Variants in TRHDE observed in about 807,000 individuals in gnomAD.
The protein encoded by TRHDE is thyrotropin-releasing hormone-degrading ectoenzyme.
Under a neutral mutation model 125.7 loss-of-function variants are expected in TRHDE, and 72 were observed. The ratio of observed to expected loss-of-function variants is 0.57; its 90% confidence interval spans 0.47 to 0.70. TRHDE has a LOEUF of 0.70. Among genes scored for constraint, TRHDE ranks in the 30% least tolerant of loss-of-function variants. TRHDE has a pLI of 0.00. For synonymous variants in TRHDE, 509 were observed against 509.1 expected (o/e 1.00, Z 0.00); for missense variants, 1,110 against 1,327.1 (o/e 0.84, Z 2.54).
intron 12 of TRHDE, among the ~76,000 whole-genome samples, chr12:72,584,561 A>C (rs534085592): frequency 2.0e-5 from 3 of 152,286 alleles, no homozygotes; most frequent in African/African-American, 7.2e-5. Flanking sequence ...TTTTTCCTCC[A>C]ACAACCCTAG....
chr12:72,545,632 T>C (rs11179243), intron 7 of TRHDE, among the ~76,000 whole-genome samples: 19,893 of 151,532 alleles, frequency 0.13, 1,402 homozygotes, highest in Middle Eastern at 0.24. Context: ...TATATGACTA[T>C]CAATACATAT....
intron 15 of TRHDE, among the ~76,000 whole-genome samples, chr12:72,645,877 A>T (rs1036162211): frequency 6.6e-6 from 1 of 152,106 alleles, no homozygotes; most frequent in Non-Finnish European, 1.5e-5. Context: ...CAATAATGTC[A>T]TTTACAAATA....
Position 72,272,899 on chromosome 12 carries a change from G to T in TRHDE, c.256G>T (p.Val86Leu), listed in dbSNP as rs750214487. 1.3e-6 allele frequency: 2 copies of T among 1,578,774 alleles called. No homozygotes were observed. The highest frequency in any genetic ancestry group is 1.7e-6 in the Non-Finnish European group (2 of 1,170,558). ...ERHIAVHKRL[V>L]LAFAVSLVAL... Reference sequence around the variant, plus strand: ...CCACATCGCCGTACACAAGCGGCTTGTGCTGGCCTTCGCTGTGTCCCTCGT... The same window carrying T: ...CCACATCGCCGTACACAAGCGGCTTTTGCTGGCCTTCGCTGTGTCCCTCGT... Residue 86 changes from valine (V) to leucine (L), a missense_variant, in exon 1 of 19, where the codon GTG becomes TTG. Coordinates refer to ENST00000261180, the MANE Select transcript of TRHDE (RefSeq NM_013381.3). This position sits in a 1 kb window ranked among gnomAD's most constrained non-coding sequence, Gnocchi z 6.7.
At chr12:72,556,420 G>T (rs1172341407) in intron 7 of TRHDE, among the ~76,000 whole-genome samples, 1 of 152,208 alleles carries the variant, frequency 6.6e-6, no homozygotes, top group East Asian at 1.9e-4. Flanking sequence ...GAAATCAAGA[G>T]ATGTAGCCAA....
chr12:72,508,148 G>A (rs1231127164), intron 6 of TRHDE, among the ~76,000 whole-genome samples: 2 of 152,222 alleles, frequency 1.3e-5, no homozygotes, highest in Non-Finnish European at 2.9e-5. Flanking sequence ...TACTAGGGCA[G>A]TGTGGAGGGG....
Position 72,668,232 on chromosome 12 carries a change from A to T in TRHDE, c.*5037A>T, listed in dbSNP as rs1875168131. 1 of 151,700 alleles carries T rather than the reference A, an allele frequency of 6.6e-6. No individual in the cohort carries two copies. The highest frequency in any genetic ancestry group is 1.5e-5 in the Non-Finnish European group (1 of 67,744). The allele number at this position is 151,700 out of a possible 1,614,324, so 9.4% of individuals were successfully genotyped here. On this transcript the variant is annotated 3_prime_UTR_variant, in exon 19 of 19. Coordinates refer to ENST00000261180, the MANE Select transcript of TRHDE (RefSeq NM_013381.3). ...AATGTACTTCAGTAGTTTTATTTTT[A>T]TTTTGTGAAATTTTATTTTAAAGTT...
At chr12:72,408,894 A>G (rs1035682626) in intron 3 of TRHDE, among the ~76,000 whole-genome samples, 1 of 152,180 alleles carries the variant, frequency 6.6e-6, no homozygotes, top group African/African-American at 2.4e-5. Flanking sequence ...AGAAAGAGAA[A>G]GTCTAATATA....
intron 2 of TRHDE, among the ~76,000 whole-genome samples, chr12:72,161,235 C>T (rs1015557518): frequency 2.0e-5 from 3 of 152,084 alleles, no homozygotes; most frequent in African/African-American, 2.4e-5. Context: ...GCGATAGAGA[C>T]GATCCTGGCC....
At chr12:72,570,919 T>C (rs1383087476) in intron 10 of TRHDE, among the ~76,000 whole-genome samples, 2 of 152,180 alleles carry the variant, frequency 1.3e-5, no homozygotes, top group African/African-American at 4.8e-5. Flanking sequence ...TATCTTCTGT[T>C]TGATATAACA....
At chr12:72,129,954 G>T (rs983769088) in intron 2 of TRHDE, among the ~76,000 whole-genome samples, 1 of 152,124 alleles carries the variant, frequency 6.6e-6, no homozygotes, top group Non-Finnish European at 1.5e-5. Context: ...TTCTATTAAG[G>T]GACATGAAAT....
chr12:72,636,189 T>C (rs1316928149), intron 15 of TRHDE, among the ~76,000 whole-genome samples: 1 of 152,098 alleles, frequency 6.6e-6, no homozygotes, highest in Non-Finnish European at 1.5e-5. Flanking sequence ...TGAGCAGTGG[T>C]TTGTAGTTCT....
chr12:72,605,689 T>A (rs998048178), intron 12 of TRHDE, among the ~76,000 whole-genome samples: 2 of 152,132 alleles, frequency 1.3e-5, no homozygotes, highest in African/African-American at 4.8e-5. Flanking sequence ...CTTTAAATCA[T>A]AAAGAATTAG....
chr12:72,616,095 G>A (rs537407717), intron 12 of TRHDE, among the ~76,000 whole-genome samples: 1 of 152,128 alleles, frequency 6.6e-6, no homozygotes, highest in Non-Finnish European at 1.5e-5. Context: ...AGCGATTTCT[G>A]CCAAAAGGAC....
chr12:72,421,416 A>G (rs531702917), intron 3 of TRHDE, among the ~76,000 whole-genome samples: 12 of 152,302 alleles, frequency 7.9e-5, no homozygotes, highest in African/African-American at 2.9e-4. Context: ...TGGTCTCTCC[A>G]TGCGGTTTGA....
chr12:72,621,052 C>A, intron 13 of TRHDE, 56 bp from the exon 14 acceptor site: 1 of 809,484 alleles, frequency 1.2e-6, no homozygotes, highest in South Asian at 1.7e-5. Flanking sequence ...TTTTAATTGT[C>A]AGCATACAGA....
At chr12:72,187,442 G>C (rs1021537098) in intron 2 of TRHDE, among the ~76,000 whole-genome samples, 7 of 150,330 alleles carry the variant, frequency 4.7e-5, no homozygotes, top group African/African-American at 1.2e-4. Context: ...GCCCGAGGTG[G>C]GGGGGGTGGT....
chr12:72,475,905 T>G (rs549299812), intron 5 of TRHDE, among the ~76,000 whole-genome samples: 3 of 151,702 alleles, frequency 2.0e-5, no homozygotes, highest in South Asian at 2.1e-4. Context: ...TTATGATGGG[T>G]TTTTTTTGTT....
At chr12:72,157,756 G>C (rs1876549922) in intron 2 of TRHDE, among the ~76,000 whole-genome samples, 1 of 152,198 alleles carries the variant, frequency 6.6e-6, no homozygotes, top group Non-Finnish European at 1.5e-5. Context: ...TGAATTGACT[G>C]TTGAATATAC....
At chr12:72,515,113 T>C (rs973438885) in intron 6 of TRHDE, among the ~76,000 whole-genome samples, 6 of 130,316 alleles carry the variant, frequency 4.6e-5, no homozygotes, top group African/African-American at 1.3e-4. Context: ...TGCATGTGTC[T>C]TTATAGCAGC....
Sources: gnomAD v4.1 joint callset for allele counts (sites outside exome capture counted in the v4.1 genomes callset) on GRCh38, gnomAD v4.1.1 for gene constraint, Gnocchi (gnomAD v3.1) non-coding constraint, MANE v1.5 for transcripts, NCBI Gene and HGNC (gene_info 2026-07-23, HGNC 2026-07-21) for gene names.